Variants in NOS1AP observed in about 807,000 individuals in gnomAD.
NOS1AP encodes the protein nitric oxide synthase 1 adaptor protein.
A neutral mutation model predicts 56.2 loss-of-function variants in NOS1AP; 21 were observed. The observed-to-expected ratio is 0.37, with a 90% CI of 0.26 to 0.54. The LOEUF (loss-of-function observed/expected upper bound fraction) is 0.54. NOS1AP is among the 20% of genes least tolerant of loss of function. The probability of loss-of-function intolerance (pLI) is 0.84; values close to 1 mark genes in which losing one functional copy is unlikely to be tolerated. For synonymous variants in NOS1AP, 270 were observed against 274.6 expected (o/e 0.98, Z 0.17); for missense variants, 522 against 657.8 (o/e 0.79, Z 2.26).
chr1:162,290,535 T>A (rs1655255417), intron 3 of NOS1AP, among the ~76,000 whole-genome samples: 1 of 152,218 alleles, frequency 6.6e-6, no homozygotes, highest in African/African-American at 2.4e-5. Context: ...GGAAATGGAA[T>A]ACTTGGCAAA....
intron 2 of NOS1AP, among the ~76,000 whole-genome samples, chr1:162,235,552 T>C (rs1028718064): frequency 5.3e-5 from 8 of 152,228 alleles, no homozygotes; most frequent in Non-Finnish European, 1.0e-4. Context: ...TTTCAGGCTC[T>C]TGGAGCATGG....
intron 1 of NOS1AP, among the ~76,000 whole-genome samples, chr1:162,081,256 C>A (rs528862666): frequency 4.6e-5 from 7 of 152,086 alleles, no homozygotes; most frequent in Non-Finnish European, 1.0e-4. Context: ...TTAAAGGTGA[C>A]CTTAGTCCTT....
chr1:162,355,412 C>T (rs1657670723), intron 7 of NOS1AP, 59 bp downstream of exon 7: 1 of 1,601,444 alleles, frequency 6.2e-7, no homozygotes, highest in Non-Finnish European at 8.5e-7. Flanking sequence ...GGTCATCAGT[C>T]ACTTCCTAGC....
At chr1:162,197,508 A>G (rs1651848389) in intron 2 of NOS1AP, among the ~76,000 whole-genome samples, 1 of 152,202 alleles carries the variant, frequency 6.6e-6, no homozygotes, top group Non-Finnish European at 1.5e-5. Context: ...AAATGGAACA[A>G]GTGAACTGAG....
intron 2 of NOS1AP, among the ~76,000 whole-genome samples, chr1:162,238,125 A>T (rs1653366237): frequency 6.6e-6 from 1 of 152,092 alleles, no homozygotes; most frequent in Admixed American, 6.5e-5. Flanking sequence ...AGTATGGTGC[A>T]GTGCTTTAAC....
At chr1:162,112,678 T>C (rs965207487) in intron 1 of NOS1AP, among the ~76,000 whole-genome samples, 6 of 152,222 alleles carry the variant, frequency 3.9e-5, no homozygotes, top group Non-Finnish European at 7.3e-5. Context: ...ACTTTATAGA[T>C]AGATTATTGA....
At chr1:162,166,122 C>T (rs1650486661) in intron 2 of NOS1AP, among the ~76,000 whole-genome samples, 1 of 152,186 alleles carries the variant, frequency 6.6e-6, no homozygotes, top group Non-Finnish European at 1.5e-5. Context: ...TCTCCCTATT[C>T]CTTCCTACCA....
At chr1:162,076,819 G>A (rs1485861646) in intron 1 of NOS1AP, among the ~76,000 whole-genome samples, 1 of 152,188 alleles carries the variant, frequency 6.6e-6, no homozygotes, top group South Asian at 2.1e-4. Flanking sequence ...GCCTATTCGG[G>A]ACATTTCATA....
At chr1:162,098,537 C>T (rs1692302600) in intron 1 of NOS1AP, among the ~76,000 whole-genome samples, 1 of 144,954 alleles carries the variant, frequency 6.9e-6, no homozygotes, top group Non-Finnish European at 1.5e-5. Context: ...TTCAGGGGTA[C>T]ATGTGCCAGA....
intron 2 of NOS1AP, among the ~76,000 whole-genome samples, chr1:162,276,733 TGAAA>T (rs1244392324): frequency 1.3e-5 from 2 of 152,222 alleles, no homozygotes; most frequent in Non-Finnish European, 2.9e-5. Flanking sequence ...TATTATGCCT[TGAAA>T]GAAGTCAATA....
intron 2 of NOS1AP, among the ~76,000 whole-genome samples, chr1:162,165,273 A>G (rs571909388): frequency 3.9e-5 from 6 of 152,126 alleles, no homozygotes; most frequent in African/African-American, 1.4e-4. Flanking sequence ...GTGAGCCAAG[A>G]TTGCACCATT....
At position 162,188,348 on chromosome 1, in the gene NOS1AP, T is replaced by C. The variant is rs558368250; in HGVS notation, c.177+33872T>C. 5.9e-5 allele frequency among the ~76,000 whole-genome samples: 9 copies of C among 152,328 alleles called. No homozygotes were observed. Among genetic ancestry groups the C allele is most frequent in the Admixed American group, 1.3e-4 (2 of 15,306 alleles). On this transcript the variant is annotated intron_variant, in intron 2 of 9. Transcript: ENST00000361897. The surrounding 1 kb of genome is among the most constrained non-coding windows in gnomAD (Gnocchi z 4.0). Reference sequence around the variant, plus strand: ...TTAATGAGATAATTCTTCTCTATATTTCTGTTGCTGGAATTGGGCTCACAC... The same window carrying C: ...TTAATGAGATAATTCTTCTCTATATCTCTGTTGCTGGAATTGGGCTCACAC...
intron 2 of NOS1AP, among the ~76,000 whole-genome samples, chr1:162,163,619 C>T (rs1052284254): frequency 1.3e-5 from 2 of 151,938 alleles, no homozygotes; most frequent in South Asian, 4.2e-4. Context: ...GGGAGTGAGC[C>T]GTGTGGGTAT....
At chr1:162,139,724 T>C (rs1649153838) in intron 1 of NOS1AP, among the ~76,000 whole-genome samples, 1 of 152,224 alleles carries the variant, frequency 6.6e-6, no homozygotes, top group Admixed American at 6.5e-5. Context: ...TAAAAATAGC[T>C]TTTGTCAGAC....
intron 2 of NOS1AP, among the ~76,000 whole-genome samples, chr1:162,196,067 G>A (rs2102160688): frequency 6.6e-6 from 1 of 152,354 alleles, no homozygotes; most frequent in African/African-American, 2.4e-5. Context: ...AGTTGGTTGT[G>A]TGAATGTGGG....
rs371654399 is a variant in NOS1AP, at chr1:162,277,798, G to A, written c.178-9546G>A. Among the ~76,000 whole-genome samples, 6 of 152,286 alleles carry A rather than the reference G, an allele frequency of 3.9e-5. No individual in the cohort carries two copies. In the East Asian group the frequency reaches 1.2e-3, roughly 29 times the overall value. On this transcript the variant is annotated intron_variant, in intron 2 of 9. Transcript: ENST00000361897. The stretch of plus-strand genomic sequence containing the variant: ...AAACATTGCTACCTTTTCCAGGCAA[G>A]GGATTTAGGGACCACTTCCTTATTC...
At chr1:162,097,441 G>A (rs1692272309) in intron 1 of NOS1AP, among the ~76,000 whole-genome samples, 1 of 151,914 alleles carries the variant, frequency 6.6e-6, no homozygotes, top group South Asian at 2.1e-4. Flanking sequence ...TGTTTTCTTT[G>A]TCTGTTTCAA....
intron 2 of NOS1AP, among the ~76,000 whole-genome samples, chr1:162,208,966 C>T (rs1321093816): frequency 6.6e-6 from 1 of 152,204 alleles, no homozygotes; most frequent in Non-Finnish European, 1.5e-5. Context: ...TTCTAGTTTT[C>T]ATTTTGCTTT....
chr1:162,165,602 C>T (rs1403669724), intron 2 of NOS1AP, among the ~76,000 whole-genome samples: 9 of 152,072 alleles, frequency 5.9e-5, no homozygotes, highest in Admixed American at 5.2e-4. Context: ...TAAGCTTGAA[C>T]GTGGTATGGT....
Sources: gnomAD v4.1 joint callset for allele counts (sites outside exome capture counted in the v4.1 genomes callset) on GRCh38, gnomAD v4.1.1 for gene constraint, Gnocchi (gnomAD v3.1) non-coding constraint, MANE v1.5 for transcripts, NCBI Gene and HGNC (gene_info 2026-07-23, HGNC 2026-07-21) for gene names.